The following ME2 variants were observed in gnomAD, a reference collection of about 807,000 sequenced individuals.
ME2 encodes the protein malic enzyme 2, also known as NAD-dependent malic enzyme, mitochondrial.
ME2 carries 60 observed loss-of-function variants against 73.7 expected under a neutral mutation model. The observed-to-expected ratio is 0.81, with a 90% CI of 0.66 to 1.01. The LOEUF is 1.01. ME2 is among the 50% of genes least tolerant of loss of function. ME2 has a pLI of 0.00. For synonymous variants in ME2, 199 were observed against 236.9 expected (o/e 0.84, Z 1.47); for missense variants, 594 against 705.5 (o/e 0.84, Z 1.79).
rs1414872961 is a variant in ME2, at chr18:50,916,358, A to C, written c.468+115A>C. 18 of 755,822 alleles carry C rather than the reference A, an allele frequency of 2.4e-5. No individual in the cohort carries two copies. In the East Asian group the frequency reaches 4.8e-4, roughly 20 times the overall value. 46.8% of individuals were successfully genotyped at this position (755,822 alleles called of 1,614,324 possible). A position where few individuals can be genotyped will look rare whatever the true frequency, so the allele number is the denominator to read the frequency against. On this transcript the variant is annotated intron_variant, in intron 5 of 15. Coordinates refer to ENST00000321341, the MANE Select transcript of ME2 (RefSeq NM_002396.5). ...TCTCATTTATTTTGCACTTATATAC[A>C]TGCAGATTTAGTGCTTTGCAGCTGA...
At position 50,907,810 on chromosome 18, in the gene ME2, A is replaced by C. The variant is rs182662297; in HGVS notation, c.109-253A>C. ...TTGCTTGATGAATAATATGTATATAAAAAATTTAAGAATACTTTAAAACTG... is the reference window on the plus strand; with the variant it reads ...TTGCTTGATGAATAATATGTATATACAAAATTTAAGAATACTTTAAAACTG... On this transcript the variant is annotated intron_variant, in intron 2 of 15. Transcript: ENST00000321341. Among the ~76,000 whole-genome samples, 16 of 152,324 alleles carry C rather than the reference A, an allele frequency of 1.1e-4. No homozygotes were observed. In the East Asian group the frequency reaches 2.5e-3, roughly 24 times the overall value.
rs756541340 is a variant in ME2 at position 50,908,161 on chromosome 18, T to C, written c.207T>C (p.His69=). 26 of 1,604,726 alleles carry C rather than the reference T, an allele frequency of 1.6e-5. No homozygotes were observed. The highest frequency in any genetic ancestry group is 2.2e-5 in the East Asian group (1 of 44,578). ...ETQDIQALRF[H]RNLKKMTSPL... ...AAGATATTCAAGCCTTACGATTTCA[T>C]AGAAACTTGAAGAAAATGACTAGCC... The change falls in exon 3 of 16, where the codon CAT becomes CAC. Residue 69 remains histidine (H), a synonymous_variant. Transcript: ENST00000321341.
rs1312695581 is a variant in ME2 at position 50,904,083 on chromosome 18, C to G, written c.109-3980C>G. Among the ~76,000 whole-genome samples, 4 of 152,236 alleles carry G rather than the reference C, an allele frequency of 2.6e-5. No individual in the cohort carries two copies. The South Asian group carries it at 8.3e-4, about 32-fold the overall frequency. ...AATAGTTATATCTTCATAATAGATT[C>G]ACCCTTTCATCATTGTAAAATGTCC... On this transcript the variant is annotated intron_variant, in intron 2 of 15. Transcript: ENST00000321341.
chr18:50,940,217 C>T, intron 14 of ME2, 71 bp from the exon 15 acceptor site: 1 of 1,004,940 alleles, frequency 1.0e-6, no homozygotes, highest in South Asian at 1.4e-5. Context: ...TTCCCCAATG[C>T]TTTTTCCATT....
At chr18:50,883,753 A>G (rs1044241269) in intron 1 of ME2, among the ~76,000 whole-genome samples, 2 of 152,192 alleles carry the variant, frequency 1.3e-5, no homozygotes, top group Admixed American at 1.3e-4. Flanking sequence ...AGTGCTAGCT[A>G]CTCGGGAGGC....
intron 12 of ME2, among the ~76,000 whole-genome samples, chr18:50,926,255 T>C (rs1917549888): frequency 6.6e-6 from 1 of 152,208 alleles, no homozygotes; most frequent in Non-Finnish European, 1.5e-5. Flanking sequence ...TCATTTTCCT[T>C]CTACCAGAAG....
In ME2 at chr18:50,950,136, A is replaced by G. The variant is rs1366003304; in HGVS notation, c.*2952A>G. On this transcript the variant is annotated 3_prime_UTR_variant, in exon 16 of 16. Transcript: ENST00000321341. ...CTAATCTCCCACCACCACCTGTTGT[A>G]TGGAACAAATTGGATTACTAGCAAG... is the stretch of plus-strand genomic sequence containing the variant. The G allele has an allele frequency of 1.3e-5, 2 of 152,228 alleles. No individual in the cohort carries two copies. Among genetic ancestry groups the G allele is most frequent in the African/African-American group, 4.8e-5 (2 of 41,466 alleles). 9.4% of individuals were successfully genotyped at this position (152,228 alleles called of 1,614,324 possible).
chr18:50,899,509 C>T (rs1012957438), intron 2 of ME2, among the ~76,000 whole-genome samples: 2 of 152,072 alleles, frequency 1.3e-5, no homozygotes, highest in African/African-American at 4.8e-5. Flanking sequence ...TTCAGCTACT[C>T]AGGAGGCTGA....
At chr18:50,927,604 AG>A (rs1224618518) in intron 12 of ME2, among the ~76,000 whole-genome samples, 1 of 150,958 alleles carries the variant, frequency 6.6e-6, no homozygotes, top group Non-Finnish European at 1.5e-5. Flanking sequence ...GGGGAGGCTG[AG>A]GCAGGAGAAT....
chr18:50,930,419 G>A (rs898345729), intron 12 of ME2, among the ~76,000 whole-genome samples: 3 of 152,052 alleles, frequency 2.0e-5, no homozygotes, highest in East Asian at 1.9e-4. Flanking sequence ...CTCCAACACC[G>A]TTTGCTGCTC....
chr18:50,937,988 G>A (rs1328820089), intron 13 of ME2, among the ~76,000 whole-genome samples: 1 of 152,108 alleles, frequency 6.6e-6, no homozygotes, highest in African/African-American at 2.4e-5. Flanking sequence ...TTAAAATAAT[G>A]CACATCAAGG....
rs187487843 is a variant in ME2 at position 50,939,845 on chromosome 18, G to A, written c.1488+205G>A. Reference sequence around the variant, plus strand: ...AAATTTTTGTAAACTGAATCCTCTCGTTTTAATAACACTTAGACTATACTT... The same window carrying A: ...AAATTTTTGTAAACTGAATCCTCTCATTTTAATAACACTTAGACTATACTT... On this transcript the variant is annotated intron_variant, in intron 14 of 15. Transcript: ENST00000321341. 735 of 520,280 alleles carry A rather than the reference G, an allele frequency of 1.4e-3. 3 individuals carry two copies. Among genetic ancestry groups the A allele is most frequent in the Non-Finnish European group, 2.0e-3 (568 of 290,344 alleles). 32.2% of individuals were successfully genotyped at this position (520,280 alleles called of 1,614,324 possible). A position where few individuals can be genotyped will look rare whatever the true frequency, so the allele number is the denominator to read the frequency against.
At position 50,948,632 on chromosome 18, in the gene ME2, C is replaced by G. The variant is rs1281385382; in HGVS notation, c.*1448C>G. On this transcript the variant is annotated 3_prime_UTR_variant, in exon 16 of 16. Transcript: ENST00000321341. ...GATCTCAGCTCACTGCAACCTCTGC[C>G]TCCCAGGTTCAAGCAGTTCTCCTGC... The G allele has an allele frequency of 1.3e-5, 2 of 150,530 alleles. No individual in the cohort carries two copies. The highest frequency in any genetic ancestry group is 2.9e-5 in the Non-Finnish European group (2 of 67,994). 9.3% of individuals were successfully genotyped at this position (150,530 alleles called of 1,614,324 possible).
Position 50,917,338 on chromosome 18 carries a change from G to T in ME2, c.469-9G>T. The T allele has an allele frequency of 1.3e-6, 2 of 1,586,956 alleles. No individual in the cohort carries two copies. Among genetic ancestry groups the T allele is most frequent in the Non-Finnish European group, 8.6e-7 (1 of 1,166,284 alleles). ...GACAACTTTTAATTTGCATTTTTTT[G>T]TGATTAAGGCTGTTGTAGTGACTGA... is the stretch of plus-strand genomic sequence containing the variant. On this transcript the variant is annotated splice_polypyrimidine_tract_variant and intron_variant, in intron 5 of 15. Transcript: ENST00000321341.
intron 15 of ME2, among the ~76,000 whole-genome samples, chr18:50,941,103 C>A (rs1349170686): frequency 6.6e-5 from 10 of 150,942 alleles, no homozygotes; most frequent in Admixed American, 4.6e-4. Context: ...ACTAAAAATA[C>A]AAAAAAAGTT....
At chr18:50,925,722 T>C in intron 11 of ME2, 34 bp from the exon 12 acceptor site, 1 of 1,600,858 alleles carries the variant, frequency 6.2e-7, no homozygotes, top group Non-Finnish European at 8.6e-7. Context: ...ATACCTATAA[T>C]GAAGTTGCTG....
At chr18:50,928,804 A>G (rs886488638) in intron 12 of ME2, among the ~76,000 whole-genome samples, 7 of 151,858 alleles carry the variant, frequency 4.6e-5, no homozygotes, top group African/African-American at 7.3e-5. Context: ...CTGAACATCC[A>G]TTTTCCTCTC....
intron 1 of ME2, among the ~76,000 whole-genome samples, chr18:50,890,966 T>A (rs1599086664): frequency 6.6e-6 from 1 of 152,138 alleles, no homozygotes; most frequent in African/African-American, 2.4e-5. Context: ...GTGGCCCAGG[T>A]ACTGAAGATA....
intron 15 of ME2, among the ~76,000 whole-genome samples, chr18:50,943,535 C>T (rs546531044): frequency 1.6e-4 from 24 of 152,228 alleles, no homozygotes; most frequent in African/African-American, 5.3e-4. Context: ...AACTCCTGAG[C>T]TCAGGAGATC....
Sources: allele counts gnomAD v4.1 joint callset (sites outside exome capture counted in the v4.1 genomes callset), GRCh38; gene constraint gnomAD v4.1.1; transcripts MANE v1.5; gene names NCBI Gene and HGNC (gene_info 2026-07-23, HGNC 2026-07-21).